Variants in CDCA7L observed in about 807,000 individuals in gnomAD.
CDCA7L encodes the protein cell division cycle associated 7 like.
A neutral mutation model predicts 57.4 loss-of-function variants in CDCA7L; 44 were observed. The ratio of observed to expected loss-of-function variants is 0.77; its 90% CI spans 0.60 to 0.98. The LOEUF (loss-of-function observed/expected upper bound fraction) is 0.98, where lower values mean the gene tolerates loss of function less well. Ranked by LOEUF, CDCA7L falls within the 50% of genes least tolerant of loss-of-function variation. CDCA7L has a pLI of 0.00. For missense variants in CDCA7L, 644 were observed against 580.6 expected (o/e 1.11, Z -1.12); for synonymous variants, 236 against 202.8 (o/e 1.16, Z -1.39).
Position 21,908,460 on chromosome 7 carries a change from G to A in CDCA7L, c.351C>T (p.Ser117=), listed in dbSNP as rs1404995595. ...CTTCTTCTTCATCTTCCTCTTCCTCGCTCACCAAAGATGCTTTGCCATCAT... is the reference window on the plus strand; with the variant it reads ...CTTCTTCTTCATCTTCCTCTTCCTCACTCACCAAAGATGCTTTGCCATCAT... ...LSDDGKASLV[S]EEEEDEEEDK... The change falls in exon 4 of 10, where the codon AGC becomes AGT. Residue 117 remains serine, a synonymous_variant. Coordinates refer to ENST00000406877, the MANE Select transcript of CDCA7L (RefSeq NM_018719.5). 9.0e-6 allele frequency: 14 copies of A among 1,553,108 alleles called. No individual in the cohort carries two copies. Among genetic ancestry groups the A allele is most frequent in the African/African-American group, 4.2e-5 (3 of 71,794 alleles).
chr7:21,922,137 T>G (rs1785672660), intron 1 of CDCA7L, among the ~76,000 whole-genome samples: 1 of 152,222 alleles, frequency 6.6e-6, no homozygotes, highest in Non-Finnish European at 1.5e-5. Flanking sequence ...CTCTGTGACA[T>G]TCCTACATGA....
At chr7:21,905,188 T>C (rs771544195) in intron 7 of CDCA7L, among the ~76,000 whole-genome samples, 1 of 152,058 alleles carries the variant, frequency 6.6e-6, no homozygotes, top group Non-Finnish European at 1.5e-5. Context: ...CCCCCAAATA[T>C]ACTTTTTTCA....
chr7:21,925,900 C>T (rs998254931), intron 1 of CDCA7L, among the ~76,000 whole-genome samples: 2 of 151,966 alleles, frequency 1.3e-5, no homozygotes, highest in African/African-American at 4.8e-5. Context: ...AAAAAAAGAT[C>T]ATCAGATTGT....
rs1562616636 is a variant in CDCA7L at position 21,901,975 on chromosome 7, T to G, written c.*347A>C. 10 of 289,080 alleles carry G rather than the reference T, an allele frequency of 3.5e-5. No individual in the cohort carries two copies. Among genetic ancestry groups the G allele is most frequent in the Non-Finnish European group, 5.3e-5 (8 of 150,878 alleles). 17.9% of individuals were successfully genotyped at this position (289,080 alleles called of 1,614,324 possible). On this transcript the variant is annotated 3_prime_UTR_variant, in exon 10 of 10. Transcript: ENST00000406877. The stretch of plus-strand genomic sequence containing the variant: ...TACTGTTTGGGAAGCCAAAGATAGA[T>G]AGATCAAGTGCAGGAGCTGATCATA...
chr7:21,938,727 AG>A (rs1270405437), intron 1 of CDCA7L, among the ~76,000 whole-genome samples: 1 of 152,224 alleles, frequency 6.6e-6, no homozygotes, highest in Admixed American at 6.5e-5. Flanking sequence ...AAATGACGTC[AG>A]GCACAGTGTC....
At position 21,945,770 on chromosome 7, in the gene CDCA7L, C is replaced by G; in HGVS notation, c.24+11G>C. On this transcript the variant is annotated intron_variant, in intron 1 of 9. Transcript: ENST00000406877. ...GTGCGTCCGGACGGCGGCGGGCGGC[C>G]GGACCCTCACCTGGTAGCGAGTCGC... The G allele has an allele frequency of 6.3e-7, 1 of 1,598,320 alleles. No homozygotes were observed. The highest frequency in any genetic ancestry group is 8.5e-7 in the Non-Finnish European group (1 of 1,173,914).
At chr7:21,933,251 C>T (rs1009089444) in intron 1 of CDCA7L, among the ~76,000 whole-genome samples, 1 of 152,160 alleles carries the variant, frequency 6.6e-6, no homozygotes, top group Non-Finnish European at 1.5e-5. Flanking sequence ...GGCGATTCCT[C>T]AAGGATCTAG....
At chr7:21,920,553 A>G (rs1162825708) in intron 1 of CDCA7L, among the ~76,000 whole-genome samples, 1 of 152,244 alleles carries the variant, frequency 6.6e-6, no homozygotes, top group Non-Finnish European at 1.5e-5. Context: ...CCCACCATCT[A>G]ATAAAATCAC....
At chr7:21,939,811 G>A (rs1330240020) in intron 1 of CDCA7L, among the ~76,000 whole-genome samples, 2 of 152,068 alleles carry the variant, frequency 1.3e-5, no homozygotes, top group Non-Finnish European at 1.5e-5. Flanking sequence ...ACCCACGTTT[G>A]TTACCACGAC....
rs1422890636 is a variant in CDCA7L, at chr7:21,902,076, G to T, written c.*246C>A. 1 of 505,264 alleles carries T rather than the reference G, an allele frequency of 2.0e-6. No individual in the cohort carries two copies. Among genetic ancestry groups the T allele is most frequent in the Non-Finnish European group, 3.6e-6 (1 of 281,396 alleles). The allele number at this position is 505,264 out of a possible 1,614,324, so 31.3% of individuals were successfully genotyped here. ...AAACTGTGCTTTTTAATAACTGGCAGATATTTTTAACAAAGTTCAGCATAC... is the reference window on the plus strand; with the variant it reads ...AAACTGTGCTTTTTAATAACTGGCATATATTTTTAACAAAGTTCAGCATAC... On this transcript the variant is annotated 3_prime_UTR_variant, in exon 10 of 10. Transcript: ENST00000406877.
intron 3 of CDCA7L, among the ~76,000 whole-genome samples, chr7:21,911,350 G>A (rs1423070569): frequency 1.3e-5 from 2 of 151,842 alleles, no homozygotes; most frequent in African/African-American, 4.8e-5. Flanking sequence ...TCTTTGAGAA[G>A]GACAATAAAG....
At chr7:21,939,632 T>C (rs1210851502) in intron 1 of CDCA7L, among the ~76,000 whole-genome samples, 1 of 152,204 alleles carries the variant, frequency 6.6e-6, no homozygotes, top group Non-Finnish European at 1.5e-5. Flanking sequence ...TGGACAAGTC[T>C]GTTCTCAGTG....
chr7:21,901,070 C>A lies in CDCA7L; in HGVS notation c.*1252G>T. ...GCCCGTCTCAAGGAGCTGGCATGCC[C>A]TATGCCGGTCATCTTTGCAAAAGCC... is the stretch of plus-strand genomic sequence containing the variant. On this transcript the variant is annotated 3_prime_UTR_variant, in exon 10 of 10. Transcript: ENST00000406877. 6.2e-7 allele frequency: 1 copy of A among 1,613,916 alleles called. No homozygotes were observed. The highest frequency in any genetic ancestry group is 2.2e-5 in the East Asian group (1 of 44,872).
chr7:21,938,723 C>T (rs1258316313), intron 1 of CDCA7L, among the ~76,000 whole-genome samples: 3 of 152,112 alleles, frequency 2.0e-5, no homozygotes, highest in South Asian at 2.1e-4. Flanking sequence ...AAAGAAATGA[C>T]GTCAGGCACA....
intron 1 of CDCA7L, among the ~76,000 whole-genome samples, chr7:21,928,966 A>G (rs1562633301): frequency 6.6e-6 from 1 of 152,294 alleles, no homozygotes; most frequent in South Asian, 2.1e-4. Flanking sequence ...TACCACAAAG[A>G]TACTCCTCGA....
chr7:21,930,413 G>A (rs1359421751), intron 1 of CDCA7L, among the ~76,000 whole-genome samples: 1 of 151,722 alleles, frequency 6.6e-6, no homozygotes, highest in Non-Finnish European at 1.5e-5. Context: ...GAACTAGAGA[G>A]TGGCCGGGTG....
At chr7:21,945,154 G>T (rs953439304) in intron 1 of CDCA7L, among the ~76,000 whole-genome samples, 1 of 152,030 alleles carries the variant, frequency 6.6e-6, no homozygotes, top group Non-Finnish European at 1.5e-5. Context: ...TTTTAAAGAC[G>T]AGTTAGGCCC....
chr7:21,902,605 T>G (rs984707755), intron 9 of CDCA7L: 5 of 512,928 alleles, frequency 9.7e-6, no homozygotes, highest in South Asian at 2.4e-5. Flanking sequence ...AACTTGTAAC[T>G]CACATTCTGT....
At position 21,901,804 on chromosome 7, in the gene CDCA7L, C is replaced by CAA. The variant is rs1784881175; in HGVS notation, c.*516_*517dup. ...TGTTGATGGTCCCCTTTTGTTCAGT[C>CAA]AAGTTTTAATAAAAATAAAACTGTT... is the stretch of plus-strand genomic sequence containing the variant. On this transcript the variant is annotated 3_prime_UTR_variant, in exon 10 of 10. Coordinates refer to ENST00000406877, the MANE Select transcript of CDCA7L (RefSeq NM_018719.5). 2 of 164,232 alleles carry CAA rather than the reference C, an allele frequency of 1.2e-5. No individual in the cohort carries two copies. Among genetic ancestry groups the CAA allele is most frequent in the African/African-American group, 4.8e-5 (2 of 41,528 alleles). 10.2% of individuals were successfully genotyped at this position (164,232 alleles called of 1,614,324 possible).
Sources: gnomAD v4.1 joint callset for allele counts (sites outside exome capture counted in the v4.1 genomes callset) on GRCh38, gnomAD v4.1.1 for gene constraint, MANE v1.5 for transcripts, NCBI Gene and HGNC (gene_info 2026-07-23, HGNC 2026-07-21) for gene names.